SCN10A: variants seen among roughly 807,000 people sequenced by gnomAD.
SCN10A encodes the protein sodium channel protein type 10 subunit alpha.
Under a neutral mutation model 170.7 loss-of-function variants are expected in SCN10A, and 162 were observed. That is an observed-to-expected ratio of 0.95 (90% CI 0.84 to 1.08). The LOEUF (loss-of-function observed/expected upper bound fraction) is 1.08, where lower values mean the gene tolerates loss of function less well. Ranked by LOEUF, SCN10A falls within the 50% of genes least tolerant of loss-of-function variation. The pLI is 0.00. For missense variants in SCN10A, 2,527 were observed against 2,436.9 expected (o/e 1.04, Z -0.78); for synonymous variants, 985 against 904.6 (o/e 1.09, Z -1.59).
chr3:38,786,732 T>A (rs2064209091), intron 4 of SCN10A, among the ~76,000 whole-genome samples: 1 of 152,124 alleles, frequency 6.6e-6, no homozygotes, highest in African/African-American at 2.4e-5. Flanking sequence ...TTAATGTAGT[T>A]TTTCCAGTGA....
At chr3:38,806,738 T>C (rs995237077) in intron 1 of SCN10A, among the ~76,000 whole-genome samples, 1 of 152,170 alleles carries the variant, frequency 6.6e-6, no homozygotes, top group African/African-American at 2.4e-5. Flanking sequence ...TAATAGCCAA[T>C]AGCCACTTAG....
intron 25 of SCN10A, among the ~76,000 whole-genome samples, chr3:38,708,373 T>A (rs1013340704): frequency 1.3e-5 from 2 of 152,180 alleles, no homozygotes; most frequent in Non-Finnish European, 2.9e-5. Flanking sequence ...ATCTGTTTCT[T>A]GACCTCAGTT....
intron 26 of SCN10A, 68 bp downstream of exon 26, chr3:38,707,211 G>A: frequency 6.5e-7 from 1 of 1,535,148 alleles, no homozygotes; most frequent in African/African-American, 1.4e-5. Flanking sequence ...GCCCCTGCCT[G>A]ACACAGGCAT....
chr3:38,708,222 A>T (rs901937770), intron 25 of SCN10A, among the ~76,000 whole-genome samples: 3 of 152,120 alleles, frequency 2.0e-5, no homozygotes, highest in African/African-American at 4.8e-5. Context: ...AGAGAAGGAA[A>T]GGGCAAGGGC....
At chr3:38,809,117 T>C (rs1371253877) in intron 1 of SCN10A, among the ~76,000 whole-genome samples, 5 of 152,220 alleles carry the variant, frequency 3.3e-5, no homozygotes, top group African/African-American at 1.2e-4. Context: ...GACTTTGTCA[T>C]ATTAGAGGCC....
At chr3:38,703,823 T>G (rs1009076711) in intron 26 of SCN10A, among the ~76,000 whole-genome samples, 1 of 152,202 alleles carries the variant, frequency 6.6e-6, no homozygotes, top group Non-Finnish European at 1.5e-5. Flanking sequence ...TGGCCAACTG[T>G]TTGCCTCTGT....
intron 17 of SCN10A, among the ~76,000 whole-genome samples, chr3:38,725,992 G>A (rs1253313640): frequency 6.6e-6 from 1 of 152,220 alleles, no homozygotes; most frequent in Non-Finnish European, 1.5e-5. Flanking sequence ...AGGCCTCACA[G>A]GGTTCCCTGC....
At chr3:38,756,614 AC>A in intron 10 of SCN10A, 59 bp downstream of exon 10, 1 of 1,409,860 alleles carries the variant, frequency 7.1e-7, no homozygotes, top group Non-Finnish European at 1.0e-6. Context: ...CTAGTCCAGA[AC>A]AGTATCCAAG....
intron 4 of SCN10A, among the ~76,000 whole-genome samples, chr3:38,772,222 C>A (rs1422895911): frequency 6.6e-6 from 1 of 151,528 alleles, no homozygotes. Context: ...TGGTTTAGAG[C>A]CCATGAAGAT....
At chr3:38,709,937 T>G (rs1575934940) in intron 24 of SCN10A, among the ~76,000 whole-genome samples, 1 of 152,094 alleles carries the variant, frequency 6.6e-6, no homozygotes, top group East Asian at 1.9e-4. Context: ...TCCCAAAACT[T>G]ATTGGTAAGG....
At chr3:38,721,277 C>T (rs192532318) in intron 20 of SCN10A, among the ~76,000 whole-genome samples, 9 of 152,240 alleles carry the variant, frequency 5.9e-5, no homozygotes, top group South Asian at 2.1e-4. Context: ...ACACTGCAGC[C>T]GTGAATCGGA....
chr3:38,721,220 G>T (rs1559421867), intron 20 of SCN10A, among the ~76,000 whole-genome samples: 1 of 152,322 alleles, frequency 6.6e-6, no homozygotes, highest in East Asian at 1.9e-4. Context: ...TATTTAGTAG[G>T]TTGTTTTTAG....
chr3:38,713,754 C>T (rs1305830362), intron 22 of SCN10A, among the ~76,000 whole-genome samples: 1 of 152,042 alleles, frequency 6.6e-6, no homozygotes, highest in Non-Finnish European at 1.5e-5. Context: ...TATAATGGCA[C>T]AATCTCGGCT....
intron 15 of SCN10A, among the ~76,000 whole-genome samples, chr3:38,733,797 C>T (rs139778465): frequency 0.01 from 1,468 of 144,676 alleles, 23 homozygotes; most frequent in African/African-American, 0.036. Flanking sequence ...CTCAGCTCAC[C>T]GCAACCTCCG....
At chr3:38,787,967 T>A (rs1321032311) in intron 4 of SCN10A, among the ~76,000 whole-genome samples, 1 of 152,032 alleles carries the variant, frequency 6.6e-6, no homozygotes, top group Non-Finnish European at 1.5e-5. Context: ...GTTTCCAGCT[T>A]CATCCATGTC....
intron 4 of SCN10A, among the ~76,000 whole-genome samples, chr3:38,771,901 T>C (rs1270759203): frequency 6.6e-6 from 1 of 152,214 alleles, no homozygotes; most frequent in Non-Finnish European, 1.5e-5. Flanking sequence ...CAGAACTGCT[T>C]GGAACTTAGA....
Position 38,722,419 on chromosome 3 carries a change from G to A in SCN10A, c.3353-7C>T, listed in dbSNP as rs749328659. 6.2e-7 allele frequency: 1 copy of A among 1,612,520 alleles called. No individual in the cohort carries two copies. Among genetic ancestry groups the A allele is most frequent in the South Asian group, 1.1e-5 (1 of 90,908 alleles). On this transcript the variant is annotated splice_region_variant and splice_polypyrimidine_tract_variant and intron_variant, in intron 19 of 27. Transcript: ENST00000449082. ...GGACAGTGGCGAATGCATCCTGTGG[G>A]GAGAGGTGACTGATGGTGGGTGATG... is the stretch of plus-strand genomic sequence containing the variant.
At position 38,789,746 on chromosome 3, in the gene SCN10A, TG is replaced by T. The variant is rs1340333884; in HGVS notation, c.390-711del. 4.0e-5 allele frequency among the ~76,000 whole-genome samples: 6 copies of T among 151,808 alleles called. No individual in the cohort carries two copies. In the East Asian group the frequency reaches 1.2e-3, roughly 29 times the overall value. ...AGTGGAGAATATTGACAGCAGACTA[TG>T]GGCAAAGGGATTATCAAAAGGGGAG... On this transcript the variant is annotated intron_variant, in intron 3 of 27. Transcript: ENST00000449082.
intron 21 of SCN10A, among the ~76,000 whole-genome samples, chr3:38,715,076 G>A (rs183818018): frequency 1.3e-5 from 2 of 152,168 alleles, no homozygotes; most frequent in Non-Finnish European, 2.9e-5. Context: ...ACAAAGAACC[G>A]GAATGGAAGG....
Sources: gnomAD v4.1 joint callset for allele counts (sites outside exome capture counted in the v4.1 genomes callset) on GRCh38, gnomAD v4.1.1 for gene constraint, MANE v1.5 for transcripts, NCBI Gene and HGNC (gene_info 2026-07-23, HGNC 2026-07-21) for gene names.